METTL24: variants seen among roughly 807,000 people sequenced by gnomAD.
METTL24 encodes probable methyltransferase-like protein 24.
In METTL24, 29 loss-of-function variants were observed where a neutral mutation model predicts 32.7. The observed-to-expected ratio is 0.89, with a 90% confidence interval of 0.66 to 1.21. METTL24 has a LOEUF of 1.21. METTL24 is among the 50% of genes most tolerant of loss of function. The pLI, the probability that METTL24 is intolerant of heterozygous loss-of-function variation, is 0.00. For synonymous variants in METTL24, 163 were observed against 179.5 expected (o/e 0.91, Z 0.73); for missense variants, 439 against 468.1 (o/e 0.94, Z 0.57).
rs146989153 is a variant in METTL24 at position 110,260,504 on chromosome 6, G to A, written c.787-14244C>T. Among the ~76,000 whole-genome samples the A allele has an allele frequency of 7.6e-3, 1,162 of 152,296 alleles. 8 individuals are homozygous for A. The highest frequency in any genetic ancestry group is 0.027 in the African/African-American group (1,110 of 41,544). ...CTATGTCTGAGTGGTGTACCTGAAA[G>A]TGACGGGGAGAATGCAACCAAGTTG... On this transcript the variant is annotated intron_variant, in intron 4 of 4. Coordinates refer to ENST00000338882, the MANE Select transcript of METTL24 (RefSeq NM_001123364.3).
chr6:110,302,490 T>TATGTGTATATATACACATATACACACAC (rs1562230771), intron 3 of METTL24, among the ~76,000 whole-genome samples: 5 of 92,114 alleles, frequency 5.4e-5, no homozygotes, highest in African/African-American at 2.6e-4. Flanking sequence ...TATACACACA[T>TATGTGTATATATACACATATACACACAC]ATGTGTATAT....
chr6:110,248,726 C>G (rs1463411172), intron 4 of METTL24, among the ~76,000 whole-genome samples: 3 of 151,422 alleles, frequency 2.0e-5, no homozygotes, highest in African/African-American at 7.3e-5. Context: ...TCAAGACAAC[C>G]TTGGACAATA....
At chr6:110,260,590 A>G (rs1421188291) in intron 4 of METTL24, among the ~76,000 whole-genome samples, 3 of 152,222 alleles carry the variant, frequency 2.0e-5, no homozygotes, top group African/African-American at 7.2e-5. Context: ...GCAGGCCAAC[A>G]TTCAAATTCA....
At chr6:110,324,505 T>C (rs1771985534) in intron 1 of METTL24, among the ~76,000 whole-genome samples, 1 of 152,224 alleles carries the variant, frequency 6.6e-6, no homozygotes, top group South Asian at 2.1e-4. Flanking sequence ...TTATTACTGC[T>C]CCTTGCAGAG....
At chr6:110,302,713 A>G (rs888425888) in intron 3 of METTL24, among the ~76,000 whole-genome samples, 1 of 151,966 alleles carries the variant, frequency 6.6e-6, no homozygotes, top group African/African-American at 2.4e-5. Flanking sequence ...GCCTCAAAAA[A>G]GGTAATTAAA....
At chr6:110,337,002 C>A (rs1355800795) in intron 1 of METTL24, among the ~76,000 whole-genome samples, 1 of 152,088 alleles carries the variant, frequency 6.6e-6, no homozygotes, top group Non-Finnish European at 1.5e-5. Context: ...TTCACAATAG[C>A]AAAGACATGG....
intron 4 of METTL24, among the ~76,000 whole-genome samples, chr6:110,280,558 C>G (rs541900394): frequency 1.3e-5 from 2 of 151,978 alleles, no homozygotes; most frequent in African/African-American, 4.8e-5. Context: ...GTTAAAAAAA[C>G]TCAGACTATA....
chr6:110,293,402 A>G (rs1383007601), intron 4 of METTL24, among the ~76,000 whole-genome samples: 1 of 151,964 alleles, frequency 6.6e-6, no homozygotes, highest in Non-Finnish European at 1.5e-5. Flanking sequence ...ACAAAAGTGT[A>G]GTTAAAATTT....
chr6:110,312,995 T>C (rs1771751518), intron 3 of METTL24, among the ~76,000 whole-genome samples: 1 of 152,234 alleles, frequency 6.6e-6, no homozygotes, highest in Admixed American at 6.5e-5. Flanking sequence ...GTGCACACCC[T>C]ATGTAAATGA....
At chr6:110,349,856 GGATT>G (rs939344498) in intron 1 of METTL24, among the ~76,000 whole-genome samples, 3 of 152,222 alleles carry the variant, frequency 2.0e-5, no homozygotes, top group African/African-American at 7.2e-5. Context: ...AAGCAGAAAA[GGATT>G]GATTAAAGAT....
intron 4 of METTL24, among the ~76,000 whole-genome samples, chr6:110,268,622 G>C (rs960818857): frequency 6.6e-6 from 1 of 152,108 alleles, no homozygotes; most frequent in Non-Finnish European, 1.5e-5. Flanking sequence ...TACATCATCA[G>C]AACTAGTGCC....
intron 2 of METTL24, among the ~76,000 whole-genome samples, chr6:110,318,536 C>T (rs1771869349): frequency 6.6e-6 from 1 of 151,472 alleles, no homozygotes; most frequent in Non-Finnish European, 1.5e-5. Flanking sequence ...TGCCTGTAAT[C>T]CCAGCTACTA....
intron 4 of METTL24, among the ~76,000 whole-genome samples, chr6:110,264,746 G>C (rs1339302630): frequency 6.6e-6 from 1 of 152,140 alleles, no homozygotes; most frequent in Non-Finnish European, 1.5e-5. Context: ...TGATAGACTG[G>C]ATTAAGAAAA....
intron 1 of METTL24, among the ~76,000 whole-genome samples, chr6:110,349,089 G>A (rs1455285199): frequency 1.3e-5 from 2 of 152,168 alleles, no homozygotes; most frequent in Non-Finnish European, 2.9e-5. Context: ...CCCAAACAGC[G>A]AACGTGAAAC....
intron 4 of METTL24, among the ~76,000 whole-genome samples, chr6:110,270,935 T>C (rs1770947285): frequency 1.3e-5 from 2 of 150,986 alleles, no homozygotes; most frequent in Non-Finnish European, 2.9e-5. Context: ...CCTCCTGGGT[T>C]CAAGTGATTC....
intron 4 of METTL24, among the ~76,000 whole-genome samples, chr6:110,256,758 T>C (rs1311797986): frequency 6.6e-6 from 1 of 152,202 alleles, no homozygotes; most frequent in Non-Finnish European, 1.5e-5. Context: ...GCACAAATGT[T>C]GTGTTCGGGT....
intron 4 of METTL24, among the ~76,000 whole-genome samples, chr6:110,260,730 C>T (rs1295520194): frequency 6.6e-6 from 1 of 152,114 alleles, no homozygotes; most frequent in Non-Finnish European, 1.5e-5. Flanking sequence ...ATTGGATTAC[C>T]CACAAAAGGG....
chr6:110,270,638 TATA>T (rs757846795), intron 4 of METTL24, among the ~76,000 whole-genome samples: 1 of 152,134 alleles, frequency 6.6e-6, no homozygotes, highest in African/African-American at 2.4e-5. Flanking sequence ...CCTTCAGGCA[TATA>T]ATAATATTTG....
intron 4 of METTL24, among the ~76,000 whole-genome samples, chr6:110,282,908 T>C (rs770844789): frequency 1.3e-5 from 2 of 152,172 alleles, no homozygotes; most frequent in African/African-American, 2.4e-5. Context: ...TTTCATTAGT[T>C]TGGGGATCTG....
Sources: gnomAD v4.1 joint callset for allele counts (sites outside exome capture counted in the v4.1 genomes callset) on GRCh38, gnomAD v4.1.1 for gene constraint, MANE v1.5 for transcripts, NCBI Gene and HGNC (gene_info 2026-07-23, HGNC 2026-07-21) for gene names.